The following DAB1 variants were observed in gnomAD, a reference collection of about 807,000 sequenced individuals.
DAB1 encodes the protein disabled homolog 1.
In DAB1, 15 loss-of-function variants were observed where a neutral mutation model predicts 64.6. The observed-to-expected ratio is 0.23, with a 90% confidence interval of 0.16 to 0.36. DAB1 has a LOEUF of 0.36. Ranked by LOEUF, DAB1 falls within the 10% of genes least tolerant of loss-of-function variation. The pLI, the probability that DAB1 is intolerant of heterozygous loss-of-function variation, is 1.00. For synonymous variants in DAB1, 235 were observed against 251.9 expected (o/e 0.93, Z 0.64); for missense variants, 596 against 706.7 (o/e 0.84, Z 1.78).
intron 5 of DAB1, among the ~76,000 whole-genome samples, chr1:58,005,637 C>G (rs376898010): frequency 2.2e-4 from 33 of 147,804 alleles, no homozygotes; most frequent in African/African-American, 8.2e-4. Context: ...GGCAGTGCCT[C>G]AAGATGCAAG....
At chr1:57,962,894 A>C (rs1936409) in intron 5 of DAB1, among the ~76,000 whole-genome samples, 53,836 of 151,610 alleles carry the variant, frequency 0.36, 10,763 homozygotes, top group Admixed American at 0.47. Flanking sequence ...CAAAACAAAA[A>C]AAAATAAAAA....
chr1:57,948,487 C>T (rs113864423), intron 5 of DAB1, among the ~76,000 whole-genome samples: 316 of 152,306 alleles, frequency 2.1e-3, no homozygotes, highest in Middle Eastern at 0.01. Flanking sequence ...ATTTGTGTAG[C>T]ATCAATATCC....
At chr1:57,931,168 T>G (rs1644947577) in intron 5 of DAB1, among the ~76,000 whole-genome samples, 1 of 152,218 alleles carries the variant, frequency 6.6e-6, no homozygotes, top group Non-Finnish European at 1.5e-5. Context: ...CATTTTGGAA[T>G]GTTAAATCAG....
chr1:57,475,191 C>T (rs371946230), intron 7 of DAB1, among the ~76,000 whole-genome samples: 2 of 152,162 alleles, frequency 1.3e-5, no homozygotes, highest in South Asian at 2.1e-4. Context: ...GCAGGAGAAT[C>T]GCTTGAACCC....
At chr1:57,067,551 T>C (rs1651039380) in intron 8 of DAB1, among the ~76,000 whole-genome samples, 1 of 152,142 alleles carries the variant, frequency 6.6e-6, no homozygotes, top group Admixed American at 6.5e-5. Flanking sequence ...CATCAGCGCA[T>C]GTGCACACGC....
At chr1:58,320,118 C>G (rs917342716) in intron 4 of DAB1, among the ~76,000 whole-genome samples, 2 of 152,234 alleles carry the variant, frequency 1.3e-5, no homozygotes, top group African/African-American at 2.4e-5. Context: ...CTGCAAGAAG[C>G]TCACATCTTA....
intron 5 of DAB1, among the ~76,000 whole-genome samples, chr1:58,086,719 G>A (rs530715491): frequency 2.2e-4 from 34 of 151,868 alleles, no homozygotes; most frequent in African/African-American, 6.8e-4. Flanking sequence ...CCTGAACATG[G>A]CAGGCATGAA....
At chr1:57,539,438 C>CA (rs1644774555) in intron 7 of DAB1, among the ~76,000 whole-genome samples, 1 of 152,064 alleles carries the variant, frequency 6.6e-6, no homozygotes, top group South Asian at 2.1e-4. Flanking sequence ...AAAGCTGTGG[C>CA]AAAAATAATA....
intron 7 of DAB1, among the ~76,000 whole-genome samples, chr1:57,611,572 G>A (rs1381038297): frequency 6.6e-6 from 1 of 152,088 alleles, no homozygotes; most frequent in Admixed American, 6.5e-5. Flanking sequence ...TAGATCCCAT[G>A]CCTAGATGTC....
At chr1:57,789,358 C>A (rs1199340660) in intron 6 of DAB1, among the ~76,000 whole-genome samples, 2 of 152,212 alleles carry the variant, frequency 1.3e-5, no homozygotes, top group Non-Finnish European at 2.9e-5. Context: ...CCAAATCAGC[C>A]TGTCTTAGTC....
intron 9 of DAB1, among the ~76,000 whole-genome samples, chr1:57,034,503 G>C (rs12118564): frequency 0.12 from 17,936 of 152,194 alleles, 1,470 homozygotes; most frequent in East Asian, 0.33. Context: ...CTGGTAGAGG[G>C]TCTGGCACAT....
chr1:57,426,914 A>T (rs1186424123), upstream of DAB1, among the ~76,000 whole-genome samples: 2 of 147,404 alleles, frequency 1.4e-5, no homozygotes, highest in Middle Eastern at 3.6e-3. Context: ...CCCAGGCTGG[A>T]GTGCAGTGGC....
At chr1:57,181,981 G>A (rs1028195674) in intron 2 of DAB1, among the ~76,000 whole-genome samples, 1 of 152,192 alleles carries the variant, frequency 6.6e-6, no homozygotes, top group African/African-American at 2.4e-5. Flanking sequence ...TGCCTCCTGG[G>A]TTCAAGTGAT....
In DAB1 at chr1:57,193,229, C is replaced by T. The variant is rs543985095; in HGVS notation, c.68-47800G>A. Among the ~76,000 whole-genome samples, 216 of 152,118 alleles carry T rather than the reference C, an allele frequency of 1.4e-3. 1 individual carries two copies. The highest frequency in any genetic ancestry group is 2.5e-3 in the Non-Finnish European group (173 of 67,980). ...CCCCAACCCTCTCCACCACCCACCC[C>T]ACCCGGTCCCTGGTAACCACCACTC... On this transcript the variant is annotated intron_variant, in intron 2 of 14. Transcript: ENST00000371236.
At chr1:57,721,680 G>T (rs917405456) in intron 6 of DAB1, among the ~76,000 whole-genome samples, 3 of 152,196 alleles carry the variant, frequency 2.0e-5, no homozygotes, top group African/African-American at 7.2e-5. Flanking sequence ...AGGGGCAGCA[G>T]GAGCTTCTTA....
intron 1 of DAB1, among the ~76,000 whole-genome samples, chr1:57,310,239 A>G (rs1427607749): frequency 6.6e-6 from 1 of 152,212 alleles, no homozygotes; most frequent in Non-Finnish European, 1.5e-5. Context: ...ATGAGTAGTT[A>G]GCAAAGGCCA....
chr1:57,575,330 A>G (rs1645237864), intron 7 of DAB1, among the ~76,000 whole-genome samples: 1 of 152,352 alleles, frequency 6.6e-6, no homozygotes, highest in Non-Finnish European at 1.5e-5. Context: ...TTCTACATCT[A>G]TTTAGTTGCC....
chr1:57,636,427 T>C (rs1037202424), intron 7 of DAB1, among the ~76,000 whole-genome samples: 5 of 152,188 alleles, frequency 3.3e-5, no homozygotes, highest in African/African-American at 1.2e-4. Flanking sequence ...ATTAGAGGGC[T>C]TTAAACAAGG....
intron 1 of DAB1, among the ~76,000 whole-genome samples, chr1:57,417,313 G>A (rs1249437851): frequency 6.6e-6 from 1 of 152,092 alleles, no homozygotes; most frequent in Non-Finnish European, 1.5e-5. Flanking sequence ...ATGACCTTGA[G>A]CAGTAGGATA....
Sources: allele counts gnomAD v4.1 joint callset (sites outside exome capture counted in the v4.1 genomes callset), GRCh38; gene constraint gnomAD v4.1.1; transcripts MANE v1.5; gene names NCBI Gene and HGNC (gene_info 2026-07-23, HGNC 2026-07-21).